The following PPIP5K2 variants were observed in gnomAD, a reference collection of about 807,000 sequenced individuals.
PPIP5K2 encodes inositol hexakisphosphate and diphosphoinositol-pentakisphosphate kinase 2.
In PPIP5K2, 105 loss-of-function variants were observed where a neutral mutation model predicts 154.6. The ratio of observed to expected loss-of-function variants is 0.68; its 90% confidence interval spans 0.58 to 0.80. The LOEUF (loss-of-function observed/expected upper bound fraction) is 0.80, where lower values mean the gene tolerates loss of function less well. Among genes scored for constraint, PPIP5K2 ranks in the 30% least tolerant of loss-of-function variants. The probability of loss-of-function intolerance (pLI) is 0.00; values close to 1 mark genes in which losing one functional copy is unlikely to be tolerated. For synonymous variants in PPIP5K2, 480 were observed against 490.3 expected (o/e 0.98, Z 0.28); for missense variants, 992 against 1,504.6 (o/e 0.66, Z 5.64).
At chr5:103,142,278 T>G (rs1223090547) in intron 5 of PPIP5K2, among the ~76,000 whole-genome samples, 4 of 152,032 alleles carry the variant, frequency 2.6e-5, no homozygotes, top group Admixed American at 6.5e-5. Flanking sequence ...CTGGCCCGGG[T>G]GCTAAGTCCC....
chr5:103,134,015 C>T (rs922488337), intron 3 of PPIP5K2, among the ~76,000 whole-genome samples: 4 of 151,960 alleles, frequency 2.6e-5, no homozygotes, highest in African/African-American at 9.7e-5. Context: ...GGAAAGTTTC[C>T]AGTTTTCACT....
At chr5:103,189,339 G>A in intron 28 of PPIP5K2, 1 of 778,016 alleles carries the variant, frequency 1.3e-6, no homozygotes, top group Non-Finnish European at 2.0e-6. Flanking sequence ...GGAAAAAAAT[G>A]TAGTCTAGAG....
chr5:103,126,822 G>A (rs1000526682), intron 1 of PPIP5K2, among the ~76,000 whole-genome samples: 2 of 150,318 alleles, frequency 1.3e-5, no homozygotes, highest in African/African-American at 2.4e-5. Context: ...CCCAGATTAA[G>A]GGTGGGTCTG....
intron 4 of PPIP5K2, among the ~76,000 whole-genome samples, chr5:103,137,654 C>A (rs1554204870): frequency 6.6e-6 from 1 of 152,034 alleles, no homozygotes. Flanking sequence ...ATTCTATTTT[C>A]TTGTTTTACC....
At chr5:103,185,266 C>G (rs1253604630) in intron 26 of PPIP5K2, among the ~76,000 whole-genome samples, 1 of 152,112 alleles carries the variant, frequency 6.6e-6, no homozygotes, top group East Asian at 1.9e-4. Flanking sequence ...TTTGCTAACA[C>G]TCAAAGCAAC....
At position 103,147,938 on chromosome 5, in the gene PPIP5K2, G is replaced by A; in HGVS notation, c.650G>A (p.Ser217Asn). The A allele has an allele frequency of 1.9e-6, 3 of 1,575,402 alleles. No homozygotes were observed. The highest frequency in any genetic ancestry group is 1.2e-5 in the South Asian group (1 of 83,574). ...GACATCTTTTGTTTTCAGATTGGCA[G>A]TAGAAGTAGTGTTTATTCTCCAGAA... Reference protein sequence around the residue: ...GSQRLFRKIGSRSSVYSPESN... With the variant: ...GSQRLFRKIGNRSSVYSPESN... The change falls in exon 7 of 31, where the codon AGT (serine) becomes AAT (asparagine). Residue 217 changes from serine to asparagine, a missense_variant. This residue lies in a region of PPIP5K2 where 51 missense variants were observed against 152.2 expected (regional missense o/e 0.33). Transcript: ENST00000358359.
At chr5:103,146,112 T>A (rs563489164) in intron 5 of PPIP5K2, among the ~76,000 whole-genome samples, 3 of 152,212 alleles carry the variant, frequency 2.0e-5, no homozygotes, top group South Asian at 4.1e-4. Context: ...ATTAACTTTC[T>A]AATTGAATTG....
At chr5:103,184,639 TTTTACTTC>T (rs782110502) in intron 25 of PPIP5K2, 25 bp from the exon 26 acceptor site, 1 of 1,538,208 alleles carries the variant, frequency 6.5e-7, no homozygotes, top group South Asian at 1.1e-5. Flanking sequence ...TATTTTACTC[TTTTACTTC>T]ATTTATTTTG....
rs1182321100 is a variant in PPIP5K2 at position 103,167,293 on chromosome 5, C to T, written c.2035C>T (p.His679Tyr). The change falls in exon 18 of 31, where the codon CAT becomes TAT. Residue 679 changes from histidine to tyrosine, a missense_variant. His to Tyr is a moderately conservative substitution (Grantham distance 83, BLOSUM62 2). Around this residue, in one of 9 missense-constraint regions of PPIP5K2, gnomAD observed 82 missense variants for 91.8 expected, o/e 0.89. Coordinates refer to ENST00000358359, the MANE Select transcript of PPIP5K2 (RefSeq NM_001276277.3). ...TCAGAGTTTGACTTCTCAAATCAGA[C>T]ATCGAATGGAAGATCCTAAATCATC... The part of the protein sequence containing the change: ...LIQSLTSQIR[H>Y]RMEDPKSSDI... The T allele has an allele frequency of 1.9e-6, 3 of 1,589,258 alleles. No homozygotes were observed. Among genetic ancestry groups the T allele is most frequent in the African/African-American group, 2.7e-5 (2 of 73,554 alleles).
Position 103,212,433 on chromosome 5 carries a change from T to C in PPIP5K2, c.*10799T>C, listed in dbSNP as rs1012513743. 3.3e-5 allele frequency: 5 copies of C among 152,098 alleles called. No homozygotes were observed. Among genetic ancestry groups the C allele is most frequent in the Admixed American group, 3.3e-4 (5 of 15,246 alleles). 9.4% of individuals were successfully genotyped at this position (152,098 alleles called of 1,614,324 possible). On this transcript the variant is annotated 3_prime_UTR_variant, in exon 31 of 31. Coordinates refer to ENST00000358359, the MANE Select transcript of PPIP5K2 (RefSeq NM_001276277.3). ...GATGGTGGTATGTTATTCTGGCATA[T>C]AGGGAACAGAATAAGACATGAGGGT...
At chr5:103,155,007 G>T in intron 13 of PPIP5K2, 64 bp downstream of exon 13, 1 of 950,370 alleles carries the variant, frequency 1.1e-6, no homozygotes, top group Non-Finnish European at 1.5e-6. Flanking sequence ...TTATGTATGT[G>T]ATTTTCCATT....
chr5:103,139,785 A>G (rs1792239256), intron 5 of PPIP5K2, among the ~76,000 whole-genome samples: 1 of 152,248 alleles, frequency 6.6e-6, no homozygotes, highest in African/African-American at 2.4e-5. Flanking sequence ...TCAGTGTAAC[A>G]TGGAGAAGGA....
chr5:103,196,986 G>A (rs1008680039), intron 30 of PPIP5K2, among the ~76,000 whole-genome samples: 2 of 152,100 alleles, frequency 1.3e-5, no homozygotes, highest in African/African-American at 2.4e-5. Flanking sequence ...TGGAAGTCAG[G>A]GTAAGAGAGC....
Position 103,189,327 on chromosome 5 carries a change from G to A in PPIP5K2, c.3353-1515G>A, listed in dbSNP as rs905276243. On this transcript the variant is annotated intron_variant, in intron 28 of 30. Transcript: ENST00000358359. ...TAAAGGAAAAGTTTATTAAAGATAA[G>A]TGGAAAAAAATGTAGTCTAGAGGAA... 2.1e-5 allele frequency: 20 copies of A among 962,954 alleles called. No individual in the cohort carries two copies. In the Admixed American group the frequency reaches 4.2e-4, roughly 20 times the overall value. The allele number at this position is 962,954 out of a possible 1,614,324, so 59.7% of individuals were successfully genotyped here. A position where few individuals can be genotyped will look rare whatever the true frequency, so the allele number is the denominator to read the frequency against.
chr5:103,169,895 A>C (rs1019422172), intron 19 of PPIP5K2, among the ~76,000 whole-genome samples: 5 of 151,466 alleles, frequency 3.3e-5, no homozygotes, highest in African/African-American at 1.2e-4. Flanking sequence ...TATGGCAGCT[A>C]TAAGCACTTT....
At chr5:103,149,042 A>G (rs985954081) in intron 7 of PPIP5K2, 110 bp from the exon 8 acceptor site, 1 of 890,314 alleles carries the variant, frequency 1.1e-6, no homozygotes, top group South Asian at 3.1e-5. Context: ...ACTAGCCTGG[A>G]TTCTGAACTA....
intron 28 of PPIP5K2, among the ~76,000 whole-genome samples, 174 bp downstream of exon 28, chr5:103,187,550 T>C (rs886214845): frequency 6.6e-6 from 1 of 152,146 alleles, no homozygotes; most frequent in Non-Finnish European, 1.5e-5. Context: ...TAGCTCCCTT[T>C]TCAGCTGTAA....
At chr5:103,158,692 T>A in intron 16 of PPIP5K2, 119 bp downstream of exon 16, 1 of 788,456 alleles carries the variant, frequency 1.3e-6, no homozygotes, top group South Asian at 2.5e-5. Flanking sequence ...GAGGCTGAGG[T>A]GGTCAGATCA....
At chr5:103,195,925 A>T (rs1265683031) in intron 30 of PPIP5K2, among the ~76,000 whole-genome samples, 1 of 152,218 alleles carries the variant, frequency 6.6e-6, no homozygotes, top group East Asian at 1.9e-4. Context: ...CTTATTAGCT[A>T]TGTGACTCTG....
Sources: gnomAD v4.1 joint callset for allele counts (sites outside exome capture counted in the v4.1 genomes callset) on GRCh38, gnomAD v4.1.1 for gene constraint, gnomAD v4.1.1 regional missense constraint, MANE v1.5 for transcripts, NCBI Gene and HGNC (gene_info 2026-07-23, HGNC 2026-07-21) for gene names.